ADAMTS18: variants seen among roughly 807,000 people sequenced by gnomAD.
ADAMTS18 encodes the protein ADAM metallopeptidase with thrombospondin type 1 motif 18.
A neutral mutation model predicts 165.9 loss-of-function variants in ADAMTS18; 157 were observed. That is an observed-to-expected ratio of 0.95 (90% CI 0.83 to 1.08). ADAMTS18 has a LOEUF of 1.08. Ranked by LOEUF, ADAMTS18 falls within the 50% of genes least tolerant of loss-of-function variation. The pLI, the probability that ADAMTS18 is intolerant of heterozygous loss-of-function variation, is 0.00. For synonymous variants in ADAMTS18, 782 were observed against 578.2 expected, an observed-to-expected ratio of 1.35 and a Z score of -5.06; for missense variants, 2,040 against 1,534.0, an observed-to-expected ratio of 1.33 and a Z score of -5.51.
intron 19 of ADAMTS18, among the ~76,000 whole-genome samples, chr16:77,294,118 AG>A (rs1352071336): frequency 6.6e-6 from 1 of 152,150 alleles, no homozygotes; most frequent in Admixed American, 6.5e-5. Context: ...CCCATGGTTC[AG>A]GTGGTAAAAC....
chr16:77,315,283 G>A (rs991685339), intron 16 of ADAMTS18, among the ~76,000 whole-genome samples: 1 of 152,148 alleles, frequency 6.6e-6, no homozygotes, highest in African/African-American at 2.4e-5. Flanking sequence ...GGGTTTCTCT[G>A]ATTGCCTCCA....
At chr16:77,384,499 A>T (rs929315676) in intron 3 of ADAMTS18, among the ~76,000 whole-genome samples, 3 of 152,208 alleles carry the variant, frequency 2.0e-5, no homozygotes, top group Admixed American at 6.5e-5. Flanking sequence ...GGGAATATGC[A>T]AAATTCTCTA....
intron 5 of ADAMTS18, 77 bp downstream of exon 5, chr16:77,364,111 T>A: frequency 6.4e-7 from 1 of 1,569,036 alleles, no homozygotes; most frequent in African/African-American, 1.3e-5. Context: ...ATACACCTGC[T>A]ATTCAACCCA....
chr16:77,375,399 A>G (rs1221633823), intron 3 of ADAMTS18, among the ~76,000 whole-genome samples: 1 of 152,190 alleles, frequency 6.6e-6, no homozygotes, highest in Non-Finnish European at 1.5e-5. Flanking sequence ...TAAAATAAGT[A>G]GGAAGAAAAA....
Position 77,431,790 on chromosome 16 carries a change from A to G in ADAMTS18, c.179-179T>C, listed in dbSNP as rs1316572748. The G allele has an allele frequency of 5.9e-6, 4 of 677,748 alleles. No individual in the cohort carries two copies. In the Admixed American group the frequency reaches 9.8e-5, roughly 17 times the overall value. 42.0% of individuals were successfully genotyped at this position (677,748 alleles called of 1,614,324 possible). On this transcript the variant is annotated intron_variant, in intron 2 of 22. Coordinates refer to ENST00000282849, the MANE Select transcript of ADAMTS18 (RefSeq NM_199355.4). ...CAGCAGAAGACCTGTCTCTACAACT[A>G]ACTCGGCCACAGTCATTTCTACAGG...
chr16:77,353,572 C>T (rs1245457932), intron 10 of ADAMTS18, among the ~76,000 whole-genome samples, 161 bp downstream of exon 10: 1 of 152,164 alleles, frequency 6.6e-6, no homozygotes, highest in East Asian at 1.9e-4. Flanking sequence ...AATTCATTGA[C>T]AGTAAAATTG....
chr16:77,400,552 G>C (rs552821738), intron 3 of ADAMTS18, among the ~76,000 whole-genome samples: 1 of 150,204 alleles, frequency 6.7e-6, no homozygotes, highest in South Asian at 2.1e-4. Flanking sequence ...TGCAATCTCA[G>C]CTCACTGCAA....
chr16:77,408,148 T>G (rs142060285), intron 3 of ADAMTS18, among the ~76,000 whole-genome samples: 1 of 152,122 alleles, frequency 6.6e-6, no homozygotes, highest in African/African-American at 2.4e-5. Flanking sequence ...AGACACAGAT[T>G]TACTATATGA....
chr16:77,382,453 G>A (rs58361887), intron 3 of ADAMTS18, among the ~76,000 whole-genome samples: 5,897 of 152,166 alleles, frequency 0.039, 338 homozygotes, highest in African/African-American at 0.13. Flanking sequence ...CTCGTGATCC[G>A]CCCCTCTCGG....
chr16:77,289,377 C>A lies in ADAMTS18; in HGVS notation c.3437G>T (p.Arg1146Leu), dbSNP rs1374530203. The A allele has an allele frequency of 1.2e-6, 2 of 1,614,054 alleles. No homozygotes were observed. Among genetic ancestry groups the A allele is most frequent in the Admixed American group, 1.7e-5 (1 of 60,022 alleles). The stretch of plus-strand genomic sequence containing the variant: ...GCCTTGCTGAACACAGTGGACTGAC[C>A]GGGTCTGGACCCCTCCCCCACAGGT... Reference protein sequence around the residue: ...TVTCGGGVQTRSVHCVQQGRP... With the variant: ...TVTCGGGVQTLSVHCVQQGRP... Residue 1146 changes from arginine to leucine, a missense_variant, in exon 22 of 23, where the codon CGG becomes CTG. Transcript: ENST00000282849.
In ADAMTS18 at chr16:77,321,174, G is replaced by C. The variant is rs1016437381; in HGVS notation, c.2192C>G (p.Ser731Cys). ...GCCACAAGCATCTGAAACTGCTTTA[G>C]AGCCTAGTTCATGATCACATCCCAC... ...ELVGCDHELGSKAVSDACGVC... is the reference protein window; with the variant it reads ...ELVGCDHELGCKAVSDACGVC... Residue 731 changes from serine (S) to cysteine (C), a missense_variant, in exon 15 of 23, where the codon TCT becomes TGT. Physicochemically the swap from Ser to Cys is moderately radical, Grantham distance 112. Transcript: ENST00000282849. 1.2e-5 allele frequency: 20 copies of C among 1,614,052 alleles called. No individual in the cohort carries two copies. Among genetic ancestry groups the C allele is most frequent in the Non-Finnish European group, 1.6e-5 (19 of 1,180,034 alleles).
rs199599392 is a variant in ADAMTS18, at chr16:77,321,148, C to T, written c.2218G>A (p.Val740Ile). 94 of 1,614,126 alleles carry T rather than the reference C, an allele frequency of 5.8e-5. No individual in the cohort carries two copies. Among genetic ancestry groups the T allele is most frequent in the Middle Eastern group, 3.3e-4 (2 of 6,062 alleles). The change falls in exon 15 of 23, where the codon GTT (valine) becomes ATT (isoleucine). Residue 740 changes from valine to isoleucine, a missense_variant. Physicochemically the swap from Val to Ile is conservative, Grantham distance 29. Coordinates refer to ENST00000282849, the MANE Select transcript of ADAMTS18 (RefSeq NM_199355.4). Reference protein sequence around the residue: ...GSKAVSDACGVCKGDNSTCKF... With the variant: ...GSKAVSDACGICKGDNSTCKF... The stretch of plus-strand genomic sequence containing the variant: ...CAAGTTGAATTATCACCTTTGCAAA[C>T]GCCACAAGCATCTGAAACTGCTTTA...
At chr16:77,366,853 G>T (rs1369535367) in intron 4 of ADAMTS18, among the ~76,000 whole-genome samples, 1 of 151,924 alleles carries the variant, frequency 6.6e-6, no homozygotes, top group East Asian at 1.9e-4. Context: ...TGTACATGTT[G>T]GGTTAAATAA....
chr16:77,326,762 T>A (rs1230141200), intron 12 of ADAMTS18, among the ~76,000 whole-genome samples: 1 of 152,254 alleles, frequency 6.6e-6, no homozygotes, highest in Non-Finnish European at 1.5e-5. Flanking sequence ...ATGTAAAGTT[T>A]TGTTATACAG....
intron 3 of ADAMTS18, among the ~76,000 whole-genome samples, chr16:77,403,235 T>C (rs551038971): frequency 1.3e-5 from 2 of 152,192 alleles, no homozygotes; most frequent in Non-Finnish European, 2.9e-5. Context: ...GTTAGTACCA[T>C]TAGTCCAGAA....
intron 12 of ADAMTS18, among the ~76,000 whole-genome samples, chr16:77,332,333 C>G (rs1248109417): frequency 6.6e-6 from 1 of 152,128 alleles, no homozygotes; most frequent in Non-Finnish European, 1.5e-5. Context: ...GCCTCTCCAC[C>G]CTGCTTCGGT....
intron 3 of ADAMTS18, among the ~76,000 whole-genome samples, chr16:77,426,958 G>T (rs1217820514): frequency 6.6e-6 from 1 of 152,160 alleles, no homozygotes; most frequent in East Asian, 1.9e-4. Context: ...AGGCTCCAGT[G>T]AGCCATGATT....
At chr16:77,306,395 G>T (rs769744468) in intron 16 of ADAMTS18, among the ~76,000 whole-genome samples, 5 of 152,198 alleles carry the variant, frequency 3.3e-5, no homozygotes, top group Non-Finnish European at 7.3e-5. Context: ...GAAGGAAGGG[G>T]ATGCAGTTTC....
rs1331401019 is a variant in ADAMTS18, at chr16:77,282,904, C to CTTTTTTT, written c.*1051_*1052insAAAAAAA. On this transcript the variant is annotated 3_prime_UTR_variant, in exon 23 of 23. Transcript: ENST00000282849. ...TACCACTGTTTACTCCTTTCTTTCT[C>CTTTTTTT]TCTTTTTTTTTTTTTTTTTTTTGCT... The CTTTTTTT allele has an allele frequency of 1.7e-4, 13 of 77,736 alleles. No homozygotes were observed. Among genetic ancestry groups the CTTTTTTT allele is most frequent in the East Asian group, 3.1e-4 (1 of 3,276 alleles). The allele number at this position is 77,736 out of a possible 1,614,324, so 4.8% of individuals were successfully genotyped here.
Sources: allele counts gnomAD v4.1 joint callset (sites outside exome capture counted in the v4.1 genomes callset), GRCh38; gene constraint gnomAD v4.1.1; transcripts MANE v1.5; gene names NCBI Gene and HGNC (gene_info 2026-07-23, HGNC 2026-07-21).